ASH2L: variants seen among roughly 807,000 people sequenced by gnomAD.
ASH2L encodes the protein set1/Ash2 histone methyltransferase complex subunit ASH2.
In ASH2L, 30 loss-of-function variants were observed where a neutral mutation model predicts 81.1. The observed-to-expected ratio is 0.37, with a 90% CI of 0.28 to 0.50. ASH2L has a LOEUF of 0.50. ASH2L is among the 20% of genes least tolerant of loss of function. The pLI is 0.95. For missense variants in ASH2L, 559 were observed against 792.1 expected (o/e 0.71, Z 3.53); for synonymous variants, 273 against 279.9 (o/e 0.98, Z 0.24).
rs1810996186 is a variant in ASH2L, at chr8:38,118,399, T to TG, written c.854-869dup. On this transcript the variant is annotated intron_variant, in intron 8 of 15. Transcript: ENST00000343823. Reference sequence around the variant, plus strand: ...AAAACTAATTGAGAGGAATTTGAACTGGACAAAAATTTCAAAGTACCTATT... The same window carrying TG: ...AAAACTAATTGAGAGGAATTTGAACTGGGACAAAAATTTCAAAGTACCTATT... 9.2e-5 allele frequency among the ~76,000 whole-genome samples: 14 copies of TG among 152,332 alleles called. 2 individuals carry two copies. The South Asian group carries it at 2.9e-3, about 32-fold the overall frequency.
chr8:38,131,966 A>G (rs1363288160), intron 12 of ASH2L, among the ~76,000 whole-genome samples: 2 of 152,086 alleles, frequency 1.3e-5, no homozygotes, highest in African/African-American at 4.8e-5. Flanking sequence ...CTCCTGCTTC[A>G]GCCTCCTGAG....
chr8:38,131,647 AAAATAAAT>A (rs879528190), intron 12 of ASH2L, among the ~76,000 whole-genome samples: 2 of 152,178 alleles, frequency 1.3e-5, no homozygotes, highest in African/African-American at 4.8e-5. Flanking sequence ...GACTGTCTCA[AAAATAAAT>A]AAATAAATAA....
chr8:38,111,647 A>G (rs1810686725), intron 5 of ASH2L, among the ~76,000 whole-genome samples: 1 of 151,924 alleles, frequency 6.6e-6, no homozygotes, highest in African/African-American at 2.4e-5. Context: ...CAGCCTCCCA[A>G]GGTGTTGGGA....
At chr8:38,105,510 G>C (rs933199306), upstream of ASH2L, 4 of 1,504,618 alleles carry the variant, frequency 2.7e-6, no homozygotes, top group South Asian at 1.3e-5. Context: ...ACGCGCGCGA[G>C]AGAAGAGAGT....
At chr8:38,120,333 CCTTAA>C (rs1811085052) in intron 9 of ASH2L, among the ~76,000 whole-genome samples, 1 of 152,074 alleles carries the variant, frequency 6.6e-6, no homozygotes, top group African/African-American at 2.4e-5. Context: ...TCCTTTAGCT[CCTTAA>C]CTTTCTGCTT....
upstream of ASH2L, chr8:38,105,495 C>T: frequency 4.1e-6 from 6 of 1,470,898 alleles, no homozygotes; most frequent in Non-Finnish European, 5.4e-6. Flanking sequence ...CAGCGTCACA[C>T]AGCAACGCGC....
At chr8:38,108,019 C>A (rs914261364) in intron 3 of ASH2L, among the ~76,000 whole-genome samples, 1 of 151,872 alleles carries the variant, frequency 6.6e-6, no homozygotes, top group Admixed American at 6.6e-5. Context: ...TCTGCAGCCT[C>A]GAACTTCTGA....
In ASH2L at chr8:38,139,631, A is replaced by G. The variant is rs1326820434; in HGVS notation, c.*560A>G. ...AAAACTACTAGATCTCTGGAAGTGT[A>G]ATTGTGAAAGAAACTTGCTTGCAGC... On this transcript the variant is annotated 3_prime_UTR_variant, in exon 16 of 16. Transcript: ENST00000343823. 1 of 152,454 alleles carries G rather than the reference A, an allele frequency of 6.6e-6. No individual in the cohort carries two copies. The highest frequency in any genetic ancestry group is 1.5e-5 in the Non-Finnish European group (1 of 68,064). The allele number at this position is 152,454 out of a possible 1,614,324, so 9.4% of individuals were successfully genotyped here.
At chr8:38,129,936 A>C (rs1322053995) in intron 12 of ASH2L, among the ~76,000 whole-genome samples, 1 of 152,158 alleles carries the variant, frequency 6.6e-6, no homozygotes, top group Non-Finnish European at 1.5e-5. Flanking sequence ...ATTCTTGTAC[A>C]GTCTTTTTGG....
At chr8:38,122,670 C>T (rs1801679031) in intron 10 of ASH2L, among the ~76,000 whole-genome samples, 1 of 151,930 alleles carries the variant, frequency 6.6e-6, no homozygotes, top group Non-Finnish European at 1.5e-5. Flanking sequence ...TTCCTCCTTT[C>T]CTTATTTGTA....
intron 6 of ASH2L, 86 bp downstream of exon 6, chr8:38,114,373 T>C (rs899949143): frequency 3.5e-6 from 3 of 861,090 alleles, no homozygotes; most frequent in African/African-American, 3.5e-5. Context: ...CATTGTGAAA[T>C]GATAAAATTA....
chr8:38,128,264 G>A (rs1243837530), intron 10 of ASH2L, 27 bp from the exon 11 acceptor site: 1 of 1,612,988 alleles, frequency 6.2e-7, no homozygotes, highest in South Asian at 1.1e-5. Flanking sequence ...TAAGTTGCAG[G>A]CCTTCTTTTA....
intron 10 of ASH2L, among the ~76,000 whole-genome samples, chr8:38,127,255 G>C (rs1801887477): frequency 3.3e-5 from 5 of 151,358 alleles, no homozygotes. Context: ...ATCGCCTGAG[G>C]CCACGAGTTC....
chr8:38,106,310 T>C, intron 1 of ASH2L, 68 bp from the exon 2 acceptor site: 1 of 1,503,828 alleles, frequency 6.6e-7, no homozygotes, highest in South Asian at 1.1e-5. Context: ...TTGATCATCA[T>C]TTTTGGGAAT....
chr8:38,110,749 A>C lies in ASH2L; in HGVS notation c.501A>C (p.Glu167Asp), dbSNP rs1810648277. The change falls in exon 5 of 16, where the codon GAA becomes GAC. Residue 167 changes from glutamate to aspartate, a missense_variant. By Grantham distance (45) the Glu-to-Asp change is conservative. This residue lies in a region of ASH2L where 318 missense variants were observed against 527.0 expected (regional missense o/e 0.60). Transcript: ENST00000343823. Reference protein sequence around the residue: ...YFLRKQANLKEMCLSALANLT... With the variant: ...YFLRKQANLKDMCLSALANLT... The stretch of plus-strand genomic sequence containing the variant: ...TTTTGTTTTTGATAGACTTGAAGGA[A>C]ATGTGCCTTAGTGCTTTGGCCAACC... 6.2e-7 allele frequency: 1 copy of C among 1,613,508 alleles called. No homozygotes were observed.
intron 5 of ASH2L, among the ~76,000 whole-genome samples, chr8:38,113,249 C>T (rs779765665): frequency 2.0e-5 from 3 of 152,110 alleles, no homozygotes; most frequent in Admixed American, 6.6e-5. Context: ...GGATTACAAG[C>T]GTGAGCCACC....
intron 2 of ASH2L, 59 bp downstream of exon 2, chr8:38,106,503 C>A (rs1211575670): frequency 1.6e-4 from 182 of 1,147,320 alleles, no homozygotes; most frequent in Non-Finnish European, 2.0e-4. Context: ...ATTTCTTCTT[C>A]TTCTTTTTTT....
intron 9 of ASH2L, 138 bp from the exon 10 acceptor site, chr8:38,120,794 A>T: frequency 1.5e-6 from 1 of 682,830 alleles, no homozygotes; most frequent in Non-Finnish European, 2.5e-6. Flanking sequence ...AGAGTTACTT[A>T]TTTGAGTAAT....
chr8:38,107,009 G>T lies in ASH2L; in HGVS notation c.256-12G>T, dbSNP rs1184272250. On this transcript the variant is annotated splice_polypyrimidine_tract_variant and intron_variant, in intron 2 of 15. Coordinates refer to ENST00000343823, the MANE Select transcript of ASH2L (RefSeq NM_004674.5). ...AGTCAACTGATTTGAGTCTCGAACT[G>T]CTCTGACACAGGAAGGTGCTGGGGA... The T allele has an allele frequency of 4.3e-6, 7 of 1,613,864 alleles. No individual in the cohort carries two copies. Among genetic ancestry groups the T allele is most frequent in the African/African-American group, 1.3e-5 (1 of 75,028 alleles).
Sources: gnomAD v4.1 joint callset for allele counts (sites outside exome capture counted in the v4.1 genomes callset) on GRCh38, gnomAD v4.1.1 for gene constraint, gnomAD v4.1.1 regional missense constraint, MANE v1.5 for transcripts, NCBI Gene and HGNC (gene_info 2026-07-23, HGNC 2026-07-21) for gene names.